GLT8D2: variants seen among roughly 807,000 people sequenced by gnomAD.
GLT8D2 encodes glycosyltransferase 8 domain containing 2, also known as glycosyltransferase 8 domain-containing protein 2.
In GLT8D2, 45 loss-of-function variants were observed where a neutral mutation model predicts 44.5. That is an observed-to-expected ratio of 1.01 (90% confidence interval 0.80 to 1.30). The LOEUF is 1.30. Ranked by LOEUF, GLT8D2 falls within the 50% of genes most tolerant of loss-of-function variation. The pLI is 0.00. For synonymous variants in GLT8D2, 156 were observed against 157.2 expected, an observed-to-expected ratio of 0.99 and a Z score of 0.06; for missense variants, 400 against 430.4, an observed-to-expected ratio of 0.93 and a Z score of 0.62.
intron 1 of GLT8D2, among the ~76,000 whole-genome samples, chr12:104,030,448 CAG>C (rs1435803981): frequency 1.3e-5 from 2 of 151,596 alleles, no homozygotes; most frequent in African/African-American, 2.4e-5. Context: ...TAGAAGAAAA[CAG>C]GGGGAAAGCT....
chr12:104,031,469 C>T (rs1879248502), intron 1 of GLT8D2: 2 of 1,613,334 alleles, frequency 1.2e-6, no homozygotes, highest in African/African-American at 2.7e-5. Flanking sequence ...CAAGCCCATG[C>T]AGTTTCTGGG....
chr12:104,026,205 C>A (rs916136835), intron 1 of GLT8D2, among the ~76,000 whole-genome samples: 6 of 146,380 alleles, frequency 4.1e-5, no homozygotes, highest in Non-Finnish European at 4.5e-5. Context: ...CTTGAACCTG[C>A]GAGAAGGGGG....
At chr12:104,007,054 A>T (rs894484150) in intron 4 of GLT8D2, among the ~76,000 whole-genome samples, 17 of 152,226 alleles carry the variant, frequency 1.1e-4, no homozygotes, top group Admixed American at 2.6e-4. Context: ...AAAGAACATG[A>T]CTAATGCACA....
chr12:104,012,920 G>T, intron 4 of GLT8D2: 1 of 621,532 alleles, frequency 1.6e-6, no homozygotes. Context: ...GCAAGAAGGC[G>T]GCCATCTGCA....
intron 4 of GLT8D2, among the ~76,000 whole-genome samples, chr12:104,006,675 C>T (rs923595656): frequency 3.0e-4 from 46 of 152,284 alleles, no homozygotes; most frequent in African/African-American, 1.0e-3. Context: ...CACAGGGAGA[C>T]AGATTTGAGC....
chr12:104,021,956 G>GAA (rs1877845952), intron 1 of GLT8D2, among the ~76,000 whole-genome samples: 4 of 25,958 alleles, frequency 1.5e-4, no homozygotes, highest in African/African-American at 1.7e-4. Flanking sequence ...AAGAAGAAGA[G>GAA]GAAGAAGAGG....
intron 1 of GLT8D2, among the ~76,000 whole-genome samples, chr12:104,058,525 T>A (rs1336923836): frequency 6.6e-6 from 1 of 152,206 alleles, no homozygotes; most frequent in African/African-American, 2.4e-5. Context: ...TATTATCTCA[T>A]TTAATCCTTT....
chr12:104,003,386 G>T (rs2136300605), intron 4 of GLT8D2, 80 bp from the exon 5 acceptor site: 1 of 1,170,880 alleles, frequency 8.5e-7, no homozygotes, highest in Non-Finnish European at 1.3e-6. Flanking sequence ...CCATACTCCT[G>T]GGGGAAGATG....
chr12:104,037,617 G>C (rs1341746047), intron 1 of GLT8D2, among the ~76,000 whole-genome samples: 1 of 152,110 alleles, frequency 6.6e-6, no homozygotes, highest in Non-Finnish European at 1.5e-5. Context: ...TCTCTGAATA[G>C]ACCAATAACA....
rs1566202393 is a variant in GLT8D2 at position 104,021,930 on chromosome 12, GAAGAAGAAGAA to G, written c.-163-450_-163-440del. On this transcript the variant is annotated intron_variant, in intron 1 of 10. Transcript: ENST00000360814. The stretch of plus-strand genomic sequence containing the variant: ...AGAAGAAGAAGAAGAAGAAGAAGAA[GAAGAAGAAGAA>G]GAAGAAGAAGAAGAGGAAGAAGAGG... Among the ~76,000 whole-genome samples the G allele has an allele frequency of 4.0e-3, 98 of 24,726 alleles. 6 individuals carry two copies. The Middle Eastern group carries it at 0.044, about 11-fold the overall frequency. 16.2% of individuals were successfully genotyped at this position (24,726 alleles called of 152,430 possible).
At chr12:103,997,810 G>A (rs186848952) in intron 6 of GLT8D2, among the ~76,000 whole-genome samples, 1 of 151,598 alleles carries the variant, frequency 6.6e-6, no homozygotes, top group African/African-American at 2.4e-5. Flanking sequence ...GCGAACTGCT[G>A]TAGTGGGAGT....
chr12:104,061,418 A>T (rs774543543), intron 1 of GLT8D2, among the ~76,000 whole-genome samples: 1 of 152,168 alleles, frequency 6.6e-6, no homozygotes, highest in Non-Finnish European at 1.5e-5. Context: ...TTAGAAAAAA[A>T]CTACCATCTA....
chr12:104,061,985 A>C (rs1882690599), intron 1 of GLT8D2, among the ~76,000 whole-genome samples: 2 of 151,922 alleles, frequency 1.3e-5, no homozygotes, highest in African/African-American at 4.8e-5. Flanking sequence ...CTCAAAAAAA[A>C]AAAAAAAAAT....
chr12:104,012,558 T>C (rs1876004644), intron 4 of GLT8D2: 3 of 388,698 alleles, frequency 7.7e-6, no homozygotes, highest in East Asian at 4.1e-5. Context: ...GTGAATGTGT[T>C]GGTTTATGAG....
At chr12:104,016,778 G>GAAAGAAAGAAA (rs1566199678) in intron 3 of GLT8D2, among the ~76,000 whole-genome samples, 14 of 62,716 alleles carry the variant, frequency 2.2e-4, no homozygotes, top group Middle Eastern at 8.5e-3. Context: ...AAAGAAAGAA[G>GAAAGAAAGAAA]GAAGGAAGGA....
chr12:104,062,632 C>G (rs1882762425), intron 1 of GLT8D2, among the ~76,000 whole-genome samples: 1 of 151,992 alleles, frequency 6.6e-6, no homozygotes, highest in Non-Finnish European at 1.5e-5. Flanking sequence ...ACTTGTATCT[C>G]TTATTTATCT....
chr12:104,013,540 A>T (rs969389323), intron 4 of GLT8D2, among the ~76,000 whole-genome samples: 2 of 152,196 alleles, frequency 1.3e-5, no homozygotes, highest in African/African-American at 2.4e-5. Context: ...TATGAAAATC[A>T]TTCTCTTTGC....
At chr12:104,058,972 T>A (rs1255090592) in intron 1 of GLT8D2, among the ~76,000 whole-genome samples, 1 of 152,186 alleles carries the variant, frequency 6.6e-6, no homozygotes, top group Non-Finnish European at 1.5e-5. Flanking sequence ...GCACATACAG[T>A]GTGGAAACAC....
intron 2 of GLT8D2, 69 bp from the exon 3 acceptor site, chr12:104,019,745 G>T: frequency 1.0e-6 from 1 of 961,742 alleles, no homozygotes; most frequent in Non-Finnish European, 1.6e-6. Flanking sequence ...AAGTGTTAAG[G>T]ACTATGCCTT....
Sources: gnomAD v4.1 joint callset for allele counts (sites outside exome capture counted in the v4.1 genomes callset) on GRCh38, gnomAD v4.1.1 for gene constraint, MANE v1.5 for transcripts, NCBI Gene and HGNC (gene_info 2026-07-23, HGNC 2026-07-21) for gene names.